Variants in HNRNPH3 observed in about 807,000 individuals in gnomAD.
The protein encoded by HNRNPH3 is heterogeneous nuclear ribonucleoprotein H3.
Under a neutral mutation model 47.0 loss-of-function variants are expected in HNRNPH3, and 7 were observed. The ratio of observed to expected loss-of-function variants is 0.15; its 90% CI spans 0.08 to 0.28. The LOEUF is 0.28. Among genes scored for constraint, HNRNPH3 ranks in the 10% least tolerant of loss-of-function variants. The probability of loss-of-function intolerance (pLI) is 1.00; values close to 1 mark genes in which losing one functional copy is unlikely to be tolerated. For missense variants in HNRNPH3, 279 were observed against 449.6 expected, an observed-to-expected ratio of 0.62 and a Z score of 3.43; for synonymous variants, 120 against 143.2, an observed-to-expected ratio of 0.84 and a Z score of 1.16.
chr10:68,337,425 G>A lies in HNRNPH3; in HGVS notation c.112+92G>A. 1.2e-6 allele frequency: 1 copy of A among 800,488 alleles called. No homozygotes were observed. The highest frequency in any genetic ancestry group is 2.0e-6 in the Non-Finnish European group (1 of 489,854). The allele number at this position is 800,488 out of a possible 1,614,324, so 49.6% of individuals were successfully genotyped here. The stretch of plus-strand genomic sequence containing the variant: ...TAATTTGTAAAACCCATTTGATTTT[G>A]GAACTTTTAAGTTTAACTATGATAG... On this transcript the variant is annotated intron_variant, in intron 2 of 9. Coordinates refer to ENST00000265866, the MANE Select transcript of HNRNPH3 (RefSeq NM_012207.3). The surrounding 1 kb of genome is among the most constrained non-coding windows in gnomAD (Gnocchi z 4.5).
intron 1 of HNRNPH3, among the ~76,000 whole-genome samples, chr10:68,334,667 C>T (rs992452779): frequency 6.6e-6 from 1 of 152,124 alleles, no homozygotes; most frequent in Non-Finnish European, 1.5e-5. Flanking sequence ...TGGCTTGTTT[C>T]ACTTGGTGTA....
intron 6 of HNRNPH3, 179 bp from the exon 7 acceptor site, chr10:68,340,992 ATTC>A: frequency 2.0e-6 from 1 of 488,920 alleles, no homozygotes; most frequent in Non-Finnish European, 3.5e-6. Flanking sequence ...AAAGCAGTAA[ATTC>A]TTTACATTAT....
chr10:68,341,781 A>T lies in HNRNPH3; in HGVS notation c.894A>T (p.Ser298=), dbSNP rs774454710. Residue 298 remains serine, a synonymous_variant, in exon 9 of 10, where the codon TCA becomes TCT. Coordinates refer to ENST00000265866, the MANE Select transcript of HNRNPH3 (RefSeq NM_012207.3). ...AAGATAATCAGGGAGGCTATGGATC[A>T]GTTGGAAGAATGGGAATGGGGAACA... ...DGMDNQGGYG[S]VGRMGMGNNY... The T allele has an allele frequency of 1.9e-6, 3 of 1,608,460 alleles. No homozygotes were observed. The highest frequency in any genetic ancestry group is 1.1e-5 in the South Asian group (1 of 90,152).
intron 6 of HNRNPH3, among the ~76,000 whole-genome samples, chr10:68,340,653 T>G (rs950742040): frequency 2.0e-5 from 3 of 152,254 alleles, no homozygotes; most frequent in African/African-American, 7.2e-5. Flanking sequence ...GAGTTCCAAC[T>G]GCTTTTAATG....
rs754270994 is a variant in HNRNPH3, at chr10:68,337,188, A to G, written c.-23-11A>G. 3 of 1,321,930 alleles carry G rather than the reference A, an allele frequency of 2.3e-6. No individual in the cohort carries two copies. Among genetic ancestry groups the G allele is most frequent in the Non-Finnish European group, 3.3e-6 (3 of 918,162 alleles). 81.9% of individuals were successfully genotyped at this position (1,321,930 alleles called of 1,614,324 possible). ...GATTGACTGCTCTATGTGCTTGTTT[A>G]TTTTTTATAGCATTTAAATCAAACG... On this transcript the variant is annotated splice_polypyrimidine_tract_variant and intron_variant, in intron 1 of 9. Transcript: ENST00000265866. The surrounding 1 kb of genome is among the most constrained non-coding windows in gnomAD (Gnocchi z 4.5).
In HNRNPH3 at chr10:68,332,354, G is replaced by T. The variant is rs994107196; in HGVS notation, c.-24+138G>T. ...GGAGGCCGCCGCTTGGAAGCGGCGG[G>T]GCTGCGCCTCCCCGACCATCTCCCA... On this transcript the variant is annotated intron_variant, in intron 1 of 9. Transcript: ENST00000265866. 2.6e-5 allele frequency: 4 copies of T among 152,180 alleles called. No individual in the cohort carries two copies. The East Asian group carries it at 7.7e-4, about 29-fold the overall frequency. The allele number at this position is 152,180 out of a possible 1,614,324, so 9.4% of individuals were successfully genotyped here.
chr10:68,339,141 T>A lies in HNRNPH3; in HGVS notation c.438T>A (p.Gly146=). 6 of 1,603,836 alleles carry A rather than the reference T, an allele frequency of 3.7e-6. No homozygotes were observed. Among genetic ancestry groups the A allele is most frequent in the Non-Finnish European group, 5.1e-6 (6 of 1,171,244 alleles). ...MRRGGDGYDG[G]YGGFDDYGGY... ...TGTGTTTCTCCTTAAATTACACAGG[T>A]TATGGAGGTTTTGATGACTATGGTG... Residue 146 remains glycine, a splice_region_variant and synonymous_variant, in exon 5 of 10, where the codon GGT becomes GGA. Coordinates refer to ENST00000265866, the MANE Select transcript of HNRNPH3 (RefSeq NM_012207.3).
chr10:68,336,519 G>A (rs1002646181), intron 1 of HNRNPH3, among the ~76,000 whole-genome samples: 2 of 152,116 alleles, frequency 1.3e-5, no homozygotes, highest in Non-Finnish European at 2.9e-5. Context: ...AAAAACACAG[G>A]TACTGTTGGA....
chr10:68,333,027 T>TA (rs2045288698), intron 1 of HNRNPH3: 1 of 152,040 alleles, frequency 6.6e-6, no homozygotes, highest in Non-Finnish European at 1.5e-5. Flanking sequence ...GGCAGCTAGA[T>TA]AAACGGAAAG....
At position 68,341,961 on chromosome 10, in the gene HNRNPH3, AAT is replaced by A. The variant is rs1491344391; in HGVS notation, c.965-14_965-13del. Reference sequence around the variant, plus strand: ...AGATATCTCCTGCTGAGTGATTCTTAATATCTTTTTCTTAAGGCCGTGGTGGT... The same window carrying A: ...AGATATCTCCTGCTGAGTGATTCTTAATCTTTTTCTTAAGGCCGTGGTGGT... On this transcript the variant is annotated splice_polypyrimidine_tract_variant and intron_variant, in intron 9 of 9. Coordinates refer to ENST00000265866, the MANE Select transcript of HNRNPH3 (RefSeq NM_012207.3). The A allele has an allele frequency of 6.2e-7, 1 of 1,612,602 alleles. No homozygotes were observed. Among genetic ancestry groups the A allele is most frequent in the African/African-American group, 1.3e-5 (1 of 74,866 alleles).
chr10:68,333,267 CTT>C (rs2045314719), intron 1 of HNRNPH3, among the ~76,000 whole-genome samples: 2 of 29,266 alleles, frequency 6.8e-5, no homozygotes, highest in Non-Finnish European at 1.2e-4. Flanking sequence ...ATAATTGTTG[CTT>C]TTTGAACTTT....
intron 7 of HNRNPH3, 53 bp from the exon 8 acceptor site, chr10:68,341,532 A>T: frequency 8.0e-7 from 1 of 1,249,340 alleles, no homozygotes; most frequent in South Asian, 1.3e-5. Flanking sequence ...TGTATTGATG[A>T]ATTTTATCCA....
intron 1 of HNRNPH3, among the ~76,000 whole-genome samples, chr10:68,335,075 CAGTTT>C (rs1279568780): frequency 1.3e-5 from 2 of 152,076 alleles, no homozygotes; most frequent in African/African-American, 2.4e-5. Context: ...ATTGTGTTAA[CAGTTT>C]AGTGTTTCTT....
chr10:68,341,437 T>A, intron 7 of HNRNPH3, 128 bp downstream of exon 7: 1 of 1,063,212 alleles, frequency 9.4e-7, no homozygotes, highest in South Asian at 1.4e-5. Context: ...TATAATGGCT[T>A]TCTGTGGGCT....
chr10:68,339,313 T>C (rs548951172), intron 5 of HNRNPH3, 87 bp downstream of exon 5: 7 of 1,569,440 alleles, frequency 4.5e-6, no homozygotes, highest in Middle Eastern at 3.4e-4. Flanking sequence ...AGGAAACTTG[T>C]ATAAAGTTAA....
intron 6 of HNRNPH3, among the ~76,000 whole-genome samples, chr10:68,340,363 T>C (rs1375682579): frequency 6.6e-6 from 1 of 152,144 alleles, no homozygotes; most frequent in Non-Finnish European, 1.5e-5. Flanking sequence ...ATATAAATAT[T>C]AGTGATTTGG....
At chr10:68,331,728 G>A (rs1278661324), upstream of HNRNPH3, 1 of 152,286 alleles carries the variant, frequency 6.6e-6, no homozygotes, top group Non-Finnish European at 1.5e-5. Flanking sequence ...GATCACCGGA[G>A]AACTTCTCCA....
chr10:68,338,703 G>A lies in HNRNPH3; in HGVS notation c.436+16G>A. 6.5e-7 allele frequency: 1 copy of A among 1,537,298 alleles called. No homozygotes were observed. Among genetic ancestry groups the A allele is most frequent in the Non-Finnish European group, 8.8e-7 (1 of 1,139,932 alleles). ...TATGATGGTGGTATGTGTATCTAATGAACAAAGGTTCTGTTGTCATTTTCT... is the reference window on the plus strand; with the variant it reads ...TATGATGGTGGTATGTGTATCTAATAAACAAAGGTTCTGTTGTCATTTTCT... On this transcript the variant is annotated intron_variant, in intron 4 of 9. Transcript: ENST00000265866.
At chr10:68,341,907 G>GT in intron 9 of HNRNPH3, 56 bp downstream of exon 9, 1 of 1,591,554 alleles carries the variant, frequency 6.3e-7, no homozygotes, top group South Asian at 1.1e-5. Flanking sequence ...AAACTTTAAA[G>GT]TGCAGGTATT....
Sources: gnomAD v4.1 joint callset for allele counts (sites outside exome capture counted in the v4.1 genomes callset) on GRCh38, gnomAD v4.1.1 for gene constraint, Gnocchi (gnomAD v3.1) non-coding constraint, MANE v1.5 for transcripts, NCBI Gene and HGNC (gene_info 2026-07-23, HGNC 2026-07-21) for gene names.